ARHGAP24: variants seen among roughly 807,000 people sequenced by gnomAD.
The protein encoded by ARHGAP24 is Rho GTPase activating protein 24.
Under a neutral mutation model 76.4 loss-of-function variants are expected in ARHGAP24, and 50 were observed. The ratio of observed to expected loss-of-function variants is 0.65; its 90% CI spans 0.52 to 0.83. The LOEUF (loss-of-function observed/expected upper bound fraction) is 0.83, where lower values mean the gene tolerates loss of function less well. Among genes scored for constraint, ARHGAP24 ranks in the 40% least tolerant of loss-of-function variants. The pLI is 0.00. For missense variants in ARHGAP24, 930 were observed against 914.2 expected, an observed-to-expected ratio of 1.02 and a Z score of -0.22; for synonymous variants, 345 against 323.3, an observed-to-expected ratio of 1.07 and a Z score of -0.72.
At chr4:85,529,260 A>C (rs1230464874) in intron 1 of ARHGAP24, among the ~76,000 whole-genome samples, 1 of 152,020 alleles carries the variant, frequency 6.6e-6, no homozygotes, top group African/African-American at 2.4e-5. Flanking sequence ...TGACAAGTAC[A>C]TTGTGATAAT....
chr4:85,975,036 G>A lies in ARHGAP24; in HGVS notation c.806+75G>A, dbSNP rs779611169. On this transcript the variant is annotated intron_variant, in intron 7 of 9. Transcript: ENST00000395184. ...CTGATACTAATTTGTGTTTGACAAC[G>A]AATAAAATCACTCAACTACTTCGAG... 4.0e-4 allele frequency: 537 copies of A among 1,333,634 alleles called. 2 individuals are homozygous for A. Among genetic ancestry groups the A allele is most frequent in the Admixed American group, 7.1e-4 (42 of 59,212 alleles). The allele number at this position is 1,333,634 out of a possible 1,614,324, so 82.6% of individuals were successfully genotyped here. A position where few individuals can be genotyped will look rare whatever the true frequency, so the allele number is the denominator to read the frequency against.
intron 2 of ARHGAP24, among the ~76,000 whole-genome samples, chr4:85,660,418 A>C (rs1325309384): frequency 6.6e-6 from 1 of 152,174 alleles, no homozygotes; most frequent in East Asian, 1.9e-4. Flanking sequence ...ATTCACAGCT[A>C]CTTGTTTCAA....
intron 3 of ARHGAP24, among the ~76,000 whole-genome samples, chr4:85,770,671 A>G (rs1480837780): frequency 6.6e-6 from 1 of 152,230 alleles, no homozygotes; most frequent in Non-Finnish European, 1.5e-5. Flanking sequence ...CTTATTTTAT[A>G]TAGGAGAAAA....
chr4:85,926,305 C>A (rs1444693038), intron 4 of ARHGAP24, among the ~76,000 whole-genome samples: 1 of 152,176 alleles, frequency 6.6e-6, no homozygotes, highest in Non-Finnish European at 1.5e-5. Context: ...ATATAGCACT[C>A]ATAATAGAAA....
intron 5 of ARHGAP24, among the ~76,000 whole-genome samples, chr4:85,944,726 A>G (rs1489731078): frequency 6.6e-6 from 1 of 152,252 alleles, no homozygotes; most frequent in Non-Finnish European, 1.5e-5. Flanking sequence ...GGTAATAACA[A>G]ATCACAGTTT....
chr4:85,894,547 T>C (rs1333866055), intron 3 of ARHGAP24, among the ~76,000 whole-genome samples: 8 of 152,232 alleles, frequency 5.3e-5, no homozygotes, highest in Admixed American at 3.9e-4. Context: ...TTATTTTCCT[T>C]TATCAACTCT....
chr4:85,713,930 A>G (rs1281296943), intron 2 of ARHGAP24, among the ~76,000 whole-genome samples: 3 of 152,198 alleles, frequency 2.0e-5, no homozygotes, highest in Non-Finnish European at 4.4e-5. Flanking sequence ...AGTGGTTCAT[A>G]TAATACATGT....
At chr4:85,854,289 A>G (rs1009764054) in intron 3 of ARHGAP24, among the ~76,000 whole-genome samples, 2 of 152,230 alleles carry the variant, frequency 1.3e-5, no homozygotes, top group African/African-American at 4.8e-5. Context: ...TGAAATTTAA[A>G]CATGAGAAAA....
Position 85,812,765 on chromosome 4 carries a change from T to C in ARHGAP24, c.268+90793T>C, listed in dbSNP as rs566034450. 3.1e-4 allele frequency among the ~76,000 whole-genome samples: 47 copies of C among 152,318 alleles called. No homozygotes were observed. The South Asian group carries it at 9.7e-3, about 32-fold the overall frequency. ...TTGATCAATATAGCTTTCCTGATTA[T>C]AGCCAATAGAACGTCTGATACAAGG... On this transcript the variant is annotated intron_variant, in intron 3 of 9. Coordinates refer to ENST00000395184, the MANE Select transcript of ARHGAP24 (RefSeq NM_001025616.3).
At chr4:85,896,115 A>G (rs191012424) in intron 3 of ARHGAP24, among the ~76,000 whole-genome samples, 2 of 152,348 alleles carry the variant, frequency 1.3e-5, no homozygotes, top group Non-Finnish European at 2.9e-5. Flanking sequence ...GATACCAAGT[A>G]TTGCTAAACA....
At chr4:85,708,146 G>A (rs1724389322) in intron 2 of ARHGAP24, among the ~76,000 whole-genome samples, 1 of 152,106 alleles carries the variant, frequency 6.6e-6, no homozygotes, top group Middle Eastern at 3.4e-3. Flanking sequence ...TTATTCTTCA[G>A]CATATGTTAC....
intron 1 of ARHGAP24, among the ~76,000 whole-genome samples, chr4:85,531,297 C>T (rs564477183): frequency 6.6e-6 from 1 of 152,090 alleles, no homozygotes. Flanking sequence ...CTGTCCCCAA[C>T]ACTTAGAACA....
intron 1 of ARHGAP24, among the ~76,000 whole-genome samples, chr4:85,482,907 A>G (rs1284324675): frequency 6.6e-6 from 1 of 152,186 alleles, no homozygotes; most frequent in African/African-American, 2.4e-5. Flanking sequence ...ATCTCACTCC[A>G]AGAGAGCAAC....
intron 2 of ARHGAP24, among the ~76,000 whole-genome samples, chr4:85,626,903 TC>T (rs1720975089): frequency 6.6e-6 from 1 of 152,254 alleles, no homozygotes; most frequent in Non-Finnish European, 1.5e-5. Context: ...CATGTAGCTC[TC>T]GTGCCTTGGT....
intron 1 of ARHGAP24, among the ~76,000 whole-genome samples, chr4:85,485,513 G>A (rs188353578): frequency 6.7e-6 from 1 of 148,414 alleles, no homozygotes; most frequent in East Asian, 2.0e-4. Context: ...AAATGCTATG[G>A]TTGGAGAAAA....
intron 3 of ARHGAP24, among the ~76,000 whole-genome samples, chr4:85,875,943 A>G (rs1732909405): frequency 6.6e-6 from 1 of 151,746 alleles, no homozygotes; most frequent in African/African-American, 2.4e-5. Context: ...GGGTTTCACT[A>G]TGTTGGCCAG....
intron 1 of ARHGAP24, among the ~76,000 whole-genome samples, chr4:85,547,695 C>G (rs879436036): frequency 2.6e-5 from 4 of 152,150 alleles, no homozygotes; most frequent in African/African-American, 9.7e-5. Flanking sequence ...CTCAGCCTCC[C>G]GAAGTGCTGG....
intron 3 of ARHGAP24, among the ~76,000 whole-genome samples, chr4:85,862,658 T>C (rs777872192): frequency 2.0e-4 from 30 of 152,114 alleles, no homozygotes; most frequent in Non-Finnish European, 3.7e-4. Context: ...ATCCAGCTCA[T>C]GGTCAGCATC....
chr4:85,607,722 T>C (rs1478121758), intron 2 of ARHGAP24, among the ~76,000 whole-genome samples: 4 of 130,772 alleles, frequency 3.1e-5, no homozygotes, highest in Non-Finnish European at 5.0e-5. Context: ...GGCGTAGCTA[T>C]GGCTCCAACA....
Sources: gnomAD v4.1 joint callset for allele counts (sites outside exome capture counted in the v4.1 genomes callset) on GRCh38, gnomAD v4.1.1 for gene constraint, MANE v1.5 for transcripts, NCBI Gene and HGNC (gene_info 2026-07-23, HGNC 2026-07-21) for gene names.